The following SGCZ variants were observed in gnomAD, a reference collection of about 807,000 sequenced individuals.
SGCZ encodes the protein sarcoglycan zeta.
A neutral mutation model predicts 41.3 loss-of-function variants in SGCZ; 40 were observed. The observed-to-expected ratio is 0.97, with a 90% confidence interval of 0.75 to 1.26. The LOEUF (loss-of-function observed/expected upper bound fraction) is 1.26, where lower values mean the gene tolerates loss of function less well. SGCZ is among the 50% of genes most tolerant of loss of function. The pLI, the probability that SGCZ is intolerant of heterozygous loss-of-function variation, is 0.00. For missense variants in SGCZ, 552 were observed against 369.8 expected (o/e 1.49, Z -4.04); for synonymous variants, 206 against 137.5 (o/e 1.50, Z -3.49).
chr8:14,819,376 G>A (rs548191035), intron 1 of SGCZ, among the ~76,000 whole-genome samples: 1 of 152,152 alleles, frequency 6.6e-6, no homozygotes, highest in African/African-American at 2.4e-5. Flanking sequence ...CAAATAGTTT[G>A]TTTTTTCCTT....
intron 1 of SGCZ, among the ~76,000 whole-genome samples, chr8:14,694,280 C>A (rs1283017889): frequency 6.6e-6 from 1 of 152,142 alleles, no homozygotes; most frequent in Non-Finnish European, 1.5e-5. Context: ...TATAATTTTT[C>A]TTTTGTTGTA....
rs753997302 is a variant in SGCZ, at chr8:14,324,171, C to G, written c.268G>C (p.Gly90Arg). The G allele has an allele frequency of 6.2e-7, 1 of 1,612,786 alleles. No homozygotes were observed. Among genetic ancestry groups the G allele is most frequent in the Non-Finnish European group, 8.5e-7 (1 of 1,179,360 alleles). The change falls in exon 3 of 8, where the codon GGA becomes CGA. Residue 90 changes from glycine (G) to arginine (R), a missense_variant. Coordinates refer to ENST00000382080, the MANE Select transcript of SGCZ (RefSeq NM_139167.4). ...GMGNLRVTKK[G>R]IRLEGISEFL... is the part of the protein sequence containing the mutation. ...TCAGATATACCTTCAAGTCGGATTC[C>G]CTTCTTGGTGACTCTCAGATTTCCC...
chr8:14,221,811 C>T (rs1333408115), intron 4 of SGCZ, among the ~76,000 whole-genome samples: 1 of 151,908 alleles, frequency 6.6e-6, no homozygotes, highest in Admixed American at 6.6e-5. Context: ...ATGGCGTGTG[C>T]CTGTAATCTC....
At chr8:14,424,343 A>T (rs71524123) in intron 2 of SGCZ, among the ~76,000 whole-genome samples, 4 of 152,210 alleles carry the variant, frequency 2.6e-5, no homozygotes, top group Non-Finnish European at 4.4e-5. Flanking sequence ...ATTAAAAAAC[A>T]CAATATATCC....
At chr8:14,677,845 A>C (rs1276193728) in intron 1 of SGCZ, among the ~76,000 whole-genome samples, 2 of 152,200 alleles carry the variant, frequency 1.3e-5, no homozygotes, top group East Asian at 3.8e-4. Context: ...GAACAGCTAA[A>C]ATAACATTGA....
At chr8:14,786,912 A>G (rs1344211416) in intron 1 of SGCZ, among the ~76,000 whole-genome samples, 2 of 151,880 alleles carry the variant, frequency 1.3e-5, no homozygotes, top group Non-Finnish European at 2.9e-5. Context: ...ACCATGCTGT[A>G]TGATAAATTA....
intron 1 of SGCZ, among the ~76,000 whole-genome samples, chr8:14,779,905 G>A (rs1372695816): frequency 6.6e-6 from 1 of 152,140 alleles, no homozygotes; most frequent in Admixed American, 6.5e-5. Context: ...TTTGACCAAC[G>A]TATGATCTAG....
chr8:14,885,904 C>T (rs773055423), intron 1 of SGCZ, among the ~76,000 whole-genome samples: 1 of 148,542 alleles, frequency 6.7e-6, no homozygotes, highest in East Asian at 2.0e-4. Flanking sequence ...ATAAAATTCA[C>T]CCTTAATACC....
intron 3 of SGCZ, among the ~76,000 whole-genome samples, chr8:14,261,061 C>G (rs1383929482): frequency 6.6e-6 from 1 of 151,556 alleles, no homozygotes; most frequent in African/African-American, 2.4e-5. Flanking sequence ...ACTAACCTGC[C>G]CAATGTGCAC....
At chr8:15,152,410 A>C (rs778443803) in intron 1 of SGCZ, among the ~76,000 whole-genome samples, 7 of 152,176 alleles carry the variant, frequency 4.6e-5, no homozygotes, top group Non-Finnish European at 1.0e-4. Flanking sequence ...AATTAACAGG[A>C]AATAAACACA....
intron 2 of SGCZ, 81 bp from the exon 3 acceptor site, chr8:14,324,285 A>C: frequency 1.1e-6 from 1 of 943,566 alleles, no homozygotes; most frequent in Non-Finnish European, 1.7e-6. Context: ...GCCTAAATTG[A>C]GAAAACAGTG....
chr8:14,102,944 C>T (rs1463442122), intron 6 of SGCZ, among the ~76,000 whole-genome samples: 2 of 152,112 alleles, frequency 1.3e-5, no homozygotes, highest in African/African-American at 4.8e-5. Context: ...TAAAGAGTCC[C>T]TGTCTTGTAA....
chr8:15,218,483 T>C (rs971666786), intron 1 of SGCZ, among the ~76,000 whole-genome samples: 2 of 152,222 alleles, frequency 1.3e-5, no homozygotes, highest in Non-Finnish European at 2.9e-5. Context: ...TTAAGAACCT[T>C]TGGAGAGCTT....
At chr8:14,800,701 A>T (rs1772153315) in intron 1 of SGCZ, among the ~76,000 whole-genome samples, 1 of 152,068 alleles carries the variant, frequency 6.6e-6, no homozygotes, top group African/African-American at 2.4e-5. Flanking sequence ...TTCTGCCATG[A>T]TTGTAAGTTT....
At chr8:14,497,290 G>C (rs1214602339) in intron 2 of SGCZ, among the ~76,000 whole-genome samples, 3 of 152,180 alleles carry the variant, frequency 2.0e-5, no homozygotes, top group Admixed American at 2.0e-4. Flanking sequence ...ATGGAAGAAG[G>C]TGAAGGGGAG....
chr8:15,126,153 C>G (rs1807673145), intron 1 of SGCZ, among the ~76,000 whole-genome samples: 1 of 151,936 alleles, frequency 6.6e-6, no homozygotes, highest in Non-Finnish European at 1.5e-5. Flanking sequence ...CTCAAAAAAG[C>G]AAAACAAACA....
intron 2 of SGCZ, among the ~76,000 whole-genome samples, chr8:14,545,598 T>G (rs762483144): frequency 1.4e-4 from 22 of 152,180 alleles, no homozygotes; most frequent in Non-Finnish European, 2.6e-4. Flanking sequence ...ACATATTTCA[T>G]AAAGTTCAAT....
chr8:14,987,559 G>C lies in SGCZ; in HGVS notation c.39+250026C>G, dbSNP rs553531341. 8.6e-5 allele frequency among the ~76,000 whole-genome samples: 13 copies of C among 151,992 alleles called. No individual in the cohort carries two copies. The East Asian group carries it at 2.1e-3, about 25-fold the overall frequency. On this transcript the variant is annotated intron_variant, in intron 1 of 7. Coordinates refer to ENST00000382080, the MANE Select transcript of SGCZ (RefSeq NM_139167.4). ...CTGACTCTGCACAGAAATCCCACTA[G>C]TAACTTTTCTTATTAGTATACTTTC... is the stretch of plus-strand genomic sequence containing the variant.
chr8:14,655,585 C>T (rs192406878), intron 1 of SGCZ, among the ~76,000 whole-genome samples: 64 of 152,010 alleles, frequency 4.2e-4, no homozygotes, highest in African/African-American at 1.4e-3. Flanking sequence ...GGAAATTCAC[C>T]AGTAGTTGTA....
Sources: allele counts gnomAD v4.1 joint callset (sites outside exome capture counted in the v4.1 genomes callset), GRCh38; gene constraint gnomAD v4.1.1; transcripts MANE v1.5; gene names NCBI Gene and HGNC (gene_info 2026-07-23, HGNC 2026-07-21).